The following DAB1 variants were observed in gnomAD, a reference collection of about 807,000 sequenced individuals.
DAB1 encodes the protein disabled homolog 1.
A neutral mutation model predicts 64.6 loss-of-function variants in DAB1; 15 were observed. The observed-to-expected ratio is 0.23, with a 90% CI of 0.16 to 0.36. The LOEUF (loss-of-function observed/expected upper bound fraction) is 0.36. Ranked by LOEUF, DAB1 falls within the 10% of genes least tolerant of loss-of-function variation. DAB1 has a pLI of 1.00. For synonymous variants in DAB1, 235 were observed against 251.9 expected, an observed-to-expected ratio of 0.93 and a Z score of 0.64; for missense variants, 596 against 706.7, an observed-to-expected ratio of 0.84 and a Z score of 1.78.
chr1:57,393,351 G>A (rs1682543541), intron 1 of DAB1, among the ~76,000 whole-genome samples: 2 of 152,268 alleles, frequency 1.3e-5, no homozygotes, highest in Middle Eastern at 3.4e-3. Flanking sequence ...ATTCAGGCAA[G>A]CATTTCAGGA....
chr1:57,327,058 C>T (rs149677937), intron 1 of DAB1, among the ~76,000 whole-genome samples: 8 of 152,134 alleles, frequency 5.3e-5, no homozygotes, highest in African/African-American at 1.7e-4. Flanking sequence ...CTGGCATCAG[C>T]CCCCTGAGTA....
At chr1:57,134,969 G>T (rs963980405) in intron 4 of DAB1, among the ~76,000 whole-genome samples, 2 of 152,158 alleles carry the variant, frequency 1.3e-5, no homozygotes, top group Non-Finnish European at 2.9e-5. Context: ...AGTAGCTATT[G>T]TTAGTATCAC....
chr1:58,482,726 A>G (rs1645509563), intron 3 of DAB1, among the ~76,000 whole-genome samples: 1 of 152,168 alleles, frequency 6.6e-6, no homozygotes, highest in South Asian at 2.1e-4. Flanking sequence ...GAAAGAGACC[A>G]TGTGGCAACC....
intron 1 of DAB1, among the ~76,000 whole-genome samples, chr1:57,321,134 G>A (rs890054471): frequency 2.0e-5 from 3 of 152,170 alleles, no homozygotes; most frequent in African/African-American, 7.2e-5. Flanking sequence ...AACTCAGGCA[G>A]AGGCTCTCCC....
At position 58,129,915 on chromosome 1, in the gene DAB1, G is replaced by C. The variant is rs1422274190; in HGVS notation, n.387+20596C>G. On this transcript the variant is annotated intron_variant and non_coding_transcript_variant, in intron 5 of 20. Coordinates refer to the DAB1 transcript ENST00000485760. ...TTTGGAATAGGTGTGGTGTGGTGCT[G>C]AAAAAAATGTATATTCTGTTGATTT... Among the ~76,000 whole-genome samples, 563 of 144,352 alleles carry C rather than the reference G, an allele frequency of 3.9e-3. 6 individuals are homozygous for C. The highest frequency in any genetic ancestry group is 0.011 in the African/African-American group (430 of 38,766). 94.7% of individuals were successfully genotyped at this position (144,352 alleles called of 152,430 possible).
At chr1:57,102,825 G>T (rs909941779) in intron 4 of DAB1, among the ~76,000 whole-genome samples, 1 of 152,048 alleles carries the variant, frequency 6.6e-6, no homozygotes, top group African/African-American at 2.4e-5. Flanking sequence ...GCATATCCAC[G>T]TGTTTAAAGA....
chr1:58,421,438 G>C (rs1489247438), intron 3 of DAB1, among the ~76,000 whole-genome samples: 1 of 152,184 alleles, frequency 6.6e-6, no homozygotes, highest in East Asian at 1.9e-4. Context: ...AACACACCCT[G>C]CTCCTTAAAA....
intron 6 of DAB1, among the ~76,000 whole-genome samples, chr1:57,803,496 G>A (rs1651224656): frequency 6.6e-6 from 1 of 152,226 alleles, no homozygotes; most frequent in African/African-American, 2.4e-5. Context: ...CTGCCACAGA[G>A]CAGGAGGGAA....
chr1:57,999,353 A>G (rs1397848046), intron 5 of DAB1, among the ~76,000 whole-genome samples: 2 of 152,214 alleles, frequency 1.3e-5, no homozygotes, highest in African/African-American at 4.8e-5. Flanking sequence ...TTAGGAATGC[A>G]CATTCTCAGG....
Position 58,492,022 on chromosome 1 carries a change from A to T in DAB1, n.257+14038T>A, listed in dbSNP as rs146206644. On this transcript the variant is annotated intron_variant and non_coding_transcript_variant, in intron 3 of 20. Coordinates refer to the DAB1 transcript ENST00000485760. ...TTGACCACATAGTTGGAAGTAAAGC[A>T]CTCCTCAGCAAATTAAAAGAACAGA... Among the ~76,000 whole-genome samples, 928 of 152,208 alleles carry T rather than the reference A, an allele frequency of 6.1e-3. 4 individuals are homozygous for T. Among genetic ancestry groups the T allele is most frequent in the Non-Finnish European group, 0.011 (716 of 68,000 alleles).
chr1:57,152,288 C>T (rs1052396320), intron 2 of DAB1, among the ~76,000 whole-genome samples: 6 of 152,162 alleles, frequency 3.9e-5, no homozygotes, highest in Non-Finnish European at 5.9e-5. Context: ...AATCCTGTAT[C>T]GAATGGTTTG....
intron 7 of DAB1, among the ~76,000 whole-genome samples, chr1:57,597,839 T>A (rs1388334598): frequency 6.6e-6 from 1 of 152,258 alleles, no homozygotes; most frequent in Non-Finnish European, 1.5e-5. Context: ...CAAACTAATT[T>A]TTTTAAGTCT....
chr1:57,829,956 G>T (rs1652516077), intron 1 of DAB1, among the ~76,000 whole-genome samples: 1 of 152,178 alleles, frequency 6.6e-6, no homozygotes, highest in South Asian at 2.1e-4. Flanking sequence ...TTACAGGTTG[G>T]AAGACTAGCG....
chr1:57,577,352 A>G (rs920468512), intron 7 of DAB1, among the ~76,000 whole-genome samples: 1 of 151,260 alleles, frequency 6.6e-6, no homozygotes, highest in Non-Finnish European at 1.5e-5. Context: ...CTAGTTGGAG[A>G]CTCCATGTTT....
intron 4 of DAB1, among the ~76,000 whole-genome samples, chr1:57,128,203 T>C (rs1657331026): frequency 6.6e-6 from 1 of 151,074 alleles, no homozygotes; most frequent in East Asian, 1.9e-4. Flanking sequence ...AATACAATTC[T>C]TTAGAGATGA....
intron 8 of DAB1, among the ~76,000 whole-genome samples, chr1:57,065,708 G>C (rs760989617): frequency 6.6e-6 from 1 of 152,182 alleles, no homozygotes; most frequent in Non-Finnish European, 1.5e-5. Context: ...AGACATAAAA[G>C]TTTCAGACCA....
chr1:57,458,756 T>G (rs2101172866), intron 7 of DAB1, among the ~76,000 whole-genome samples: 1 of 152,200 alleles, frequency 6.6e-6, no homozygotes, highest in East Asian at 1.9e-4. Flanking sequence ...TTCCAAACCT[T>G]TTTAATGACA....
rs148681366 is a variant in DAB1, at chr1:57,897,411, G to GA, written n.388-13250dup. On this transcript the variant is annotated intron_variant and non_coding_transcript_variant, in intron 5 of 20. Transcript: ENST00000485760. The stretch of plus-strand genomic sequence containing the variant: ...GTGGGAATCTTGTCTTTTCATTGTG[G>GA]AAAAAAAAATCCCATATTGATTTTT... Among the ~76,000 whole-genome samples the GA allele has an allele frequency of 9.1e-3, 1,381 of 151,174 alleles. 20 individuals are homozygous for GA. The highest frequency in any genetic ancestry group is 0.03 in the African/African-American group (1,251 of 41,218).
intron 5 of DAB1, among the ~76,000 whole-genome samples, chr1:58,034,697 C>T (rs1647019286): frequency 6.6e-6 from 1 of 152,142 alleles, no homozygotes; most frequent in African/African-American, 2.4e-5. Flanking sequence ...TCTTCCCATC[C>T]CAAAGGAGAA....
Sources: gnomAD v4.1 joint callset for allele counts (sites outside exome capture counted in the v4.1 genomes callset) on GRCh38, gnomAD v4.1.1 for gene constraint, MANE v1.5 for transcripts, NCBI Gene and HGNC (gene_info 2026-07-23, HGNC 2026-07-21) for gene names.